The following ATP4B variants were observed in gnomAD, a reference collection of about 807,000 sequenced individuals.
ATP4B encodes the protein potassium-transporting ATPase subunit beta.
In ATP4B, 27 loss-of-function variants were observed where a neutral mutation model predicts 35.3. The ratio of observed to expected loss-of-function variants is 0.76; its 90% CI spans 0.56 to 1.05. ATP4B has a LOEUF of 1.05. ATP4B is among the 50% of genes least tolerant of loss of function. ATP4B has a pLI of 0.00. For synonymous variants in ATP4B, 162 were observed against 156.0 expected, an observed-to-expected ratio of 1.04 and a Z score of -0.29; for missense variants, 375 against 384.8, an observed-to-expected ratio of 0.97 and a Z score of 0.21.
chr13:113,649,310 C>G lies in ATP4B; in HGVS notation c.*64G>C. 6.5e-7 allele frequency: 1 copy of G among 1,530,214 alleles called. No individual in the cohort carries two copies. The highest frequency in any genetic ancestry group is 8.8e-7 in the Non-Finnish European group (1 of 1,134,320). 94.8% of individuals were successfully genotyped at this position (1,530,214 alleles called of 1,614,324 possible). On this transcript the variant is annotated 3_prime_UTR_variant, in exon 7 of 7. Coordinates refer to ENST00000335288, the MANE Select transcript of ATP4B (RefSeq NM_000705.4). The surrounding 1 kb of genome is among the most constrained non-coding windows in gnomAD (Gnocchi z 4.7). ...GCAGGGAACTGACGGGCAAGGTAAGCCCAACCAGGAGGGTGTCCTTGAGCG... is the reference window on the plus strand; with the variant it reads ...GCAGGGAACTGACGGGCAAGGTAAGGCCAACCAGGAGGGTGTCCTTGAGCG...
Position 113,657,978 on chromosome 13 carries a change from G to A in ATP4B, c.112+55C>T, listed in dbSNP as rs1029561962. ...CTCCTCCTGAGCTCACCTGGAGGCT[G>A]CGTCCTCAGAGCGGCCCCCTCCATG... On this transcript the variant is annotated intron_variant, in intron 1 of 6. Transcript: ENST00000335288. 4 of 1,423,406 alleles carry A rather than the reference G, an allele frequency of 2.8e-6. No homozygotes were observed. The African/African-American group carries it at 4.2e-5, about 15-fold the overall frequency. 88.2% of individuals were successfully genotyped at this position (1,423,406 alleles called of 1,614,324 possible). A position where few individuals can be genotyped will look rare whatever the true frequency, so the allele number is the denominator to read the frequency against.
At position 113,658,126 on chromosome 13, in the gene ATP4B, T is replaced by C; in HGVS notation, c.19A>G (p.Lys7Glu). 1 of 1,612,802 alleles carries C rather than the reference T, an allele frequency of 6.2e-7. No homozygotes were observed. Among genetic ancestry groups the C allele is most frequent in the Non-Finnish European group, 8.5e-7 (1 of 1,179,730 alleles). ...TCCATGCGCTGGCCACACGTCTTCT[T>C]CTCCTGCAGAGCCGCCATCGTCCCT... MAALQE[K>E]KTCGQRMEEF... The change falls in exon 1 of 7, where the codon AAG becomes GAG. Residue 7 changes from lysine to glutamate, a missense_variant. Physicochemically the swap from Lys to Glu is moderately conservative, Grantham distance 56. Coordinates refer to ENST00000335288, the MANE Select transcript of ATP4B (RefSeq NM_000705.4).
Position 113,652,984 on chromosome 13 carries a change from G to A in ATP4B, c.444C>T (p.Thr148=). The stretch of plus-strand genomic sequence containing the variant: ...CTGCCGTGAACTTGCAGGAGAACTT[G>A]GTGTGGTTGGGAGCGCGGAAACTCT... ...FQESFRAPNH[T]KFSCKFTADM... is the part of the protein sequence containing the mutation. Residue 148 remains threonine, a synonymous_variant, in exon 4 of 7, where the codon ACC becomes ACT. Coordinates refer to ENST00000335288, the MANE Select transcript of ATP4B (RefSeq NM_000705.4). 1 of 1,614,190 alleles carries A rather than the reference G, an allele frequency of 6.2e-7. No homozygotes were observed. The highest frequency in any genetic ancestry group is 1.1e-5 in the South Asian group (1 of 91,084).
At chr13:113,652,795 GCTC>G in intron 4 of ATP4B, 75 bp downstream of exon 4, 1 of 1,511,584 alleles carries the variant, frequency 6.6e-7, no homozygotes, top group Non-Finnish European at 9.1e-7. Flanking sequence ...GGACACCTGT[GCTC>G]CTCGTGGTGG....
At chr13:113,652,850 T>C in intron 4 of ATP4B, 23 bp downstream of exon 4, 1 of 1,611,514 alleles carries the variant, frequency 6.2e-7, no homozygotes, top group Non-Finnish European at 8.5e-7. Flanking sequence ...TAGTGGCGTG[T>C]GAAGGAGACC....
At chr13:113,653,485 A>G in intron 2 of ATP4B, 51 bp from the exon 3 acceptor site, 1 of 1,538,468 alleles carries the variant, frequency 6.5e-7, no homozygotes, top group East Asian at 2.2e-5. Flanking sequence ...CACCACATTT[A>G]AGCCATCAGT....
intron 4 of ATP4B, among the ~76,000 whole-genome samples, chr13:113,652,475 C>T (rs1252619657): frequency 6.6e-6 from 1 of 152,342 alleles, no homozygotes; most frequent in East Asian, 1.9e-4. Context: ...CCCCACACCC[C>T]CTAAGGGGCC....
intron 2 of ATP4B, 151 bp from the exon 3 acceptor site, chr13:113,653,585 C>T (rs567075018): frequency 9.5e-5 from 61 of 640,716 alleles, no homozygotes; most frequent in African/African-American, 7.3e-4. Flanking sequence ...AGGAAGGACC[C>T]CCAGGACAGC....
intron 1 of ATP4B, among the ~76,000 whole-genome samples, chr13:113,656,539 AC>A (rs1293098639): frequency 6.6e-6 from 1 of 152,122 alleles, no homozygotes; most frequent in African/African-American, 2.4e-5. Flanking sequence ...TGTTCAGGGC[AC>A]GCTGCAGTGC....
Position 113,654,802 on chromosome 13 carries a change from C to T in ATP4B, c.241+12G>A. ...TGTCACACGGCATGGGGGCAACATC[C>T]CGGGCGCTTACCTGGTGACCGTAGC... On this transcript the variant is annotated intron_variant, in intron 2 of 6. Transcript: ENST00000335288. 4 of 1,612,654 alleles carry T rather than the reference C, an allele frequency of 2.5e-6. No individual in the cohort carries two copies. The South Asian group carries it at 4.4e-5, about 18-fold the overall frequency.
rs548038236 is a variant in ATP4B at position 113,656,753 on chromosome 13, C to T, written c.112+1280G>A. Among the ~76,000 whole-genome samples, 7 of 152,282 alleles carry T rather than the reference C, an allele frequency of 4.6e-5. No homozygotes were observed. The South Asian group carries it at 1.5e-3, about 32-fold the overall frequency. ...AAGACTTTCTTATCCCAAACGGAGG[C>T]CATGTCTACCGGCCAGGCAGTGAGA... On this transcript the variant is annotated intron_variant, in intron 1 of 6. Transcript: ENST00000335288.
intron 4 of ATP4B, 123 bp downstream of exon 4, chr13:113,652,750 T>C (rs2140701485): frequency 1.8e-6 from 2 of 1,125,664 alleles, no homozygotes; most frequent in Non-Finnish European, 2.6e-6. Context: ...GTGGTGAGGC[T>C]GGAGTCCCTG....
In ATP4B at chr13:113,658,186, C is replaced by G. The variant is rs1433079771; in HGVS notation, c.-42G>C. ...TCCTCCCGTCTGCTCCCTGCACCCT[C>G]TACGCCCAGACTGAGGCCAGATGCC... On this transcript the variant is annotated 5_prime_UTR_variant, in exon 1 of 7. Coordinates refer to ENST00000335288, the MANE Select transcript of ATP4B (RefSeq NM_000705.4). 1.9e-6 allele frequency: 3 copies of G among 1,570,162 alleles called. No homozygotes were observed. In the South Asian group the frequency reaches 3.4e-5, roughly 18 times the overall value.
intron 1 of ATP4B, among the ~76,000 whole-genome samples, chr13:113,657,560 A>G (rs1189482322): frequency 6.6e-6 from 1 of 152,204 alleles, no homozygotes; most frequent in African/African-American, 2.4e-5. Flanking sequence ...AGGCTGAGGC[A>G]GGCCTGGTTT....
At chr13:113,656,656 A>G (rs1052775365) in intron 1 of ATP4B, among the ~76,000 whole-genome samples, 4 of 152,138 alleles carry the variant, frequency 2.6e-5, no homozygotes, top group Non-Finnish European at 5.9e-5. Flanking sequence ...CCGTCCCCCA[A>G]TTAGTAAGAA....
chr13:113,649,450 G>GC lies in ATP4B; in HGVS notation c.799dup (p.Ala267GlyfsTer14). On this transcript the variant is annotated frameshift_variant, in exon 7 of 7. Transcript: ENST00000335288. LOFTEE classifies it high-confidence loss of function. The surrounding 1 kb of genome is among the most constrained non-coding windows in gnomAD (Gnocchi z 4.7). Reference sequence around the variant, plus strand: ...GGGATTGTTGAAGGTCACGTGCTCCGCCATGACCTTGCACACGATGGCGAC... The same window carrying GC: ...GGGATTGTTGAAGGTCACGTGCTCCGCCCATGACCTTGCACACGATGGCGAC... 6.4e-7 allele frequency: 1 copy of GC among 1,572,526 alleles called. No homozygotes were observed. The highest frequency in any genetic ancestry group is 1.2e-5 in the South Asian group (1 of 86,112).
chr13:113,649,168 G>T lies in ATP4B; in HGVS notation c.*206C>A, dbSNP rs1566687259. 4 of 477,090 alleles carry T rather than the reference G, an allele frequency of 8.4e-6. No homozygotes were observed. Among genetic ancestry groups the T allele is most frequent in the Non-Finnish European group, 1.4e-5 (4 of 279,766 alleles). The allele number at this position is 477,090 out of a possible 1,614,324, so 29.6% of individuals were successfully genotyped here. ...TAGCAGCAAATTCCATCTAAAAACT[G>T]TAAGAATTCAACAAGGAAGAACTGA... On this transcript the variant is annotated 3_prime_UTR_variant, in exon 7 of 7. Transcript: ENST00000335288. This position sits in a 1 kb window ranked among gnomAD's most constrained non-coding sequence, Gnocchi z 4.7.
intron 1 of ATP4B, among the ~76,000 whole-genome samples, chr13:113,655,514 A>T (rs2049746883): frequency 6.6e-6 from 1 of 152,162 alleles, no homozygotes; most frequent in African/African-American, 2.4e-5. Flanking sequence ...GCTTCATCTC[A>T]TCTGCTTCTG....
chr13:113,651,798 A>G (rs924253013), intron 4 of ATP4B, 71 bp from the exon 5 acceptor site: 114 of 1,560,320 alleles, frequency 7.3e-5, no homozygotes, highest in Middle Eastern at 3.4e-4. Context: ...GCACCCACCC[A>G]TGGAGCTGAG....
Sources: gnomAD v4.1 joint callset for allele counts (sites outside exome capture counted in the v4.1 genomes callset) on GRCh38, gnomAD v4.1.1 for gene constraint, Gnocchi (gnomAD v3.1) non-coding constraint, MANE v1.5 for transcripts, NCBI Gene and HGNC (gene_info 2026-07-23, HGNC 2026-07-21) for gene names.